LAMA2: variants seen among roughly 807,000 people sequenced by gnomAD.
LAMA2 encodes laminin subunit alpha-2.
In LAMA2, 269 loss-of-function variants were observed where a neutral mutation model predicts 364.8. The observed-to-expected ratio is 0.74, with a 90% CI of 0.67 to 0.82. LAMA2 has a LOEUF of 0.82. Among genes scored for constraint, LAMA2 ranks in the 40% least tolerant of loss-of-function variants. The pLI is 0.00. For missense variants in LAMA2, 3,807 were observed against 3,873.2 expected, an observed-to-expected ratio of 0.98 and a Z score of 0.45; for synonymous variants, 1,379 against 1,370.6, an observed-to-expected ratio of 1.01 and a Z score of -0.14.
chr6:129,076,195 G>A (rs926428820), intron 3 of LAMA2, among the ~76,000 whole-genome samples: 2 of 151,558 alleles, frequency 1.3e-5, no homozygotes, highest in African/African-American at 2.4e-5. Context: ...TAACAGTAAA[G>A]GCCTGTTTAA....
In LAMA2 at chr6:129,240,743, A is replaced by G. The variant is rs182781354; in HGVS notation, c.1783-9369A>G. 2.6e-5 allele frequency among the ~76,000 whole-genome samples: 4 copies of G among 152,296 alleles called. No homozygotes were observed. In the East Asian group the frequency reaches 7.7e-4, roughly 29 times the overall value. ...CAGAGAGTATGTTGTTTGCCTATAT[A>G]TCATAACAAATTGAAAATGCATTTA... is the stretch of plus-strand genomic sequence containing the variant. On this transcript the variant is annotated intron_variant, in intron 12 of 64. Transcript: ENST00000421865.
chr6:128,884,245 C>A (rs2114362146), intron 1 of LAMA2, among the ~76,000 whole-genome samples: 1 of 152,034 alleles, frequency 6.6e-6, no homozygotes, highest in South Asian at 2.1e-4. Flanking sequence ...ACATGTGCAG[C>A]ATTGTAAGAC....
chr6:129,465,311 G>C lies in LAMA2; in HGVS notation c.7300+22G>C, dbSNP rs967180470. 3.2e-6 allele frequency: 5 copies of C among 1,578,546 alleles called. No homozygotes were observed. The Admixed American group carries it at 8.4e-5, about 26-fold the overall frequency. On this transcript the variant is annotated intron_variant, in intron 51 of 64. Transcript: ENST00000421865. ...CAAGGTGAGTTTTTACAGTAATAAT[G>C]CAATATAGGCCTTAATCATGAAATC...
At chr6:129,197,767 A>T (rs946449284) in intron 12 of LAMA2, among the ~76,000 whole-genome samples, 1 of 152,228 alleles carries the variant, frequency 6.6e-6, no homozygotes, top group Non-Finnish European at 1.5e-5. Flanking sequence ...AACAAAAAAA[A>T]TCAAGGACTC....
At chr6:129,169,688 G>A (rs1322928349) in intron 9 of LAMA2, among the ~76,000 whole-genome samples, 40 of 140,534 alleles carry the variant, frequency 2.8e-4, no homozygotes, top group Non-Finnish European at 6.0e-4. Context: ...AAATGAGTTA[G>A]GGAGGATTCC....
At chr6:128,929,210 C>A in intron 1 of LAMA2, 1 of 1,490,986 alleles carries the variant, frequency 6.7e-7, no homozygotes, top group Non-Finnish European at 9.3e-7. Flanking sequence ...TCCCACCCAG[C>A]GCCTTCTGAG....
chr6:129,314,169 G>A (rs1423036013), intron 23 of LAMA2, among the ~76,000 whole-genome samples: 1 of 152,104 alleles, frequency 6.6e-6, no homozygotes, highest in Non-Finnish European at 1.5e-5. Flanking sequence ...GGGAGGCCGA[G>A]GCGGGCGGAT....
intron 4 of LAMA2, among the ~76,000 whole-genome samples, chr6:129,100,099 G>A (rs1423039381): frequency 7.2e-5 from 11 of 152,132 alleles, no homozygotes; most frequent in Non-Finnish European, 1.3e-4. Context: ...AATACACTTC[G>A]GCAGGTATGT....
chr6:129,400,416 C>A (rs1314715868), intron 37 of LAMA2, among the ~76,000 whole-genome samples: 1 of 152,052 alleles, frequency 6.6e-6, no homozygotes, highest in Non-Finnish European at 1.5e-5. Context: ...AACTGTCTGG[C>A]ACATATTGAG....
At chr6:129,310,555 T>TGA (rs1774155144) in intron 22 of LAMA2, among the ~76,000 whole-genome samples, 1 of 151,948 alleles carries the variant, frequency 6.6e-6, no homozygotes, top group South Asian at 2.1e-4. Flanking sequence ...CAGAGAGAGG[T>TGA]GATACCCTTT....
At chr6:129,389,337 G>T (rs1244570675) in intron 35 of LAMA2, among the ~76,000 whole-genome samples, 1 of 152,158 alleles carries the variant, frequency 6.6e-6, no homozygotes, top group Non-Finnish European at 1.5e-5. Flanking sequence ...TAACTGAAAT[G>T]CATTTCTCAT....
chr6:129,341,870 A>C (rs1429310148), intron 29 of LAMA2, among the ~76,000 whole-genome samples: 1 of 152,228 alleles, frequency 6.6e-6, no homozygotes, highest in Non-Finnish European at 1.5e-5. Flanking sequence ...AACCACCTAC[A>C]TCTATGCTTT....
intron 34 of LAMA2, among the ~76,000 whole-genome samples, chr6:129,379,767 T>G (rs1242932381): frequency 6.6e-6 from 1 of 152,198 alleles, no homozygotes; most frequent in African/African-American, 2.4e-5. Flanking sequence ...AAGCTTCAAC[T>G]GTAGCTCTTG....
At chr6:129,176,220 A>G (rs1430511092) in intron 9 of LAMA2, among the ~76,000 whole-genome samples, 3 of 151,908 alleles carry the variant, frequency 2.0e-5, no homozygotes, top group African/African-American at 4.8e-5. Flanking sequence ...TTAGGCATTA[A>G]TTTTTAGAAC....
chr6:129,261,474 T>C (rs935560093), intron 15 of LAMA2, among the ~76,000 whole-genome samples: 5 of 152,304 alleles, frequency 3.3e-5, no homozygotes, highest in African/African-American at 1.2e-4. Flanking sequence ...TATTTGCTTC[T>C]GTGTATTTTC....
At chr6:129,368,692 C>T (rs1777910055) in intron 33 of LAMA2, among the ~76,000 whole-genome samples, 1 of 152,194 alleles carries the variant, frequency 6.6e-6, no homozygotes, top group Admixed American at 6.5e-5. Context: ...AGTGACCCAT[C>T]CACTTCTGGC....
In LAMA2 at chr6:129,454,265, T is replaced by C. The variant is rs764576102; in HGVS notation, c.6684T>C (p.Tyr2228=). ...EYPDLTIDDS[Y]WYRIVASRTG... ...CAGATTTGACTATTGATGACTCATA[T>C]TGGTACCGTATCGTAGCATCAAGGT... Residue 2228 remains tyrosine (Y), a synonymous_variant, in exon 47 of 65, where the codon TAT becomes TAC. Transcript: ENST00000421865. 1.9e-6 allele frequency: 3 copies of C among 1,611,962 alleles called. No homozygotes were observed. Among genetic ancestry groups the C allele is most frequent in the South Asian group, 1.1e-5 (1 of 91,030 alleles).
chr6:129,456,554 A>G (rs1347585947), intron 48 of LAMA2, 60 bp downstream of exon 48: 3 of 1,429,906 alleles, frequency 2.1e-6, no homozygotes, highest in Non-Finnish European at 2.0e-6. Context: ...TGACATAATT[A>G]CTTCAGGAGA....
At chr6:129,139,636 T>C (rs762828985) in intron 4 of LAMA2, among the ~76,000 whole-genome samples, 1 of 152,088 alleles carries the variant, frequency 6.6e-6, no homozygotes, top group Non-Finnish European at 1.5e-5. Context: ...GGGGTGATGG[T>C]ACTTCTTTTT....
Sources: allele counts gnomAD v4.1 joint callset (sites outside exome capture counted in the v4.1 genomes callset), GRCh38; gene constraint gnomAD v4.1.1; transcripts MANE v1.5; gene names NCBI Gene and HGNC (gene_info 2026-07-23, HGNC 2026-07-21).